Variants in FGF13 observed in about 807,000 individuals in gnomAD.
FGF13 encodes fibroblast growth factor 13.
FGF13 carries 2 observed loss-of-function variants against 19.5 expected under a neutral mutation model. The ratio of observed to expected loss-of-function variants is 0.10; its 90% CI spans 0.04 to 0.32. FGF13 has a LOEUF of 0.32. Among genes scored for constraint, FGF13 ranks in the 10% least tolerant of loss-of-function variants. FGF13 has a pLI of 1.00. For missense variants in FGF13, 113 were observed against 192.7 expected (o/e 0.59, Z 2.45); for synonymous variants, 72 against 76.9 (o/e 0.94, Z 0.33).
intron 3 of FGF13, among the ~76,000 whole-genome samples, chrX:138,810,859 G>A (rs2090916788): frequency 8.9e-6 from 1 of 111,814 alleles, no homozygotes; most frequent in Non-Finnish European, 1.9e-5. Context: ...CATCATCACT[G>A]GCCATCAGAG....
Position 138,631,163 on chromosome X carries a change from G to A in FGF13, c.*1687C>T, listed in dbSNP as rs759394302. The A allele has an allele frequency of 1.8e-5, 2 of 111,645 alleles. No individual in the cohort carries two copies. The highest frequency in any genetic ancestry group is 3.8e-5 in the Non-Finnish European group (2 of 53,110). 9.2% of individuals were successfully genotyped at this position (111,645 alleles called of 1,213,427 possible). A position where few individuals can be genotyped will look rare whatever the true frequency, so the allele number is the denominator to read the frequency against. ...GTTCATTGCCAGACAATGCAGCTTTGGGGAGCTAGAGAAAAGTCATCAACA... is the reference window on the plus strand; with the variant it reads ...GTTCATTGCCAGACAATGCAGCTTTAGGGAGCTAGAGAAAAGTCATCAACA... On this transcript the variant is annotated 3_prime_UTR_variant, in exon 5 of 5. Transcript: ENST00000315930.
intron 1 of FGF13, among the ~76,000 whole-genome samples, chrX:139,100,579 A>G (rs1388000262): frequency 9.0e-6 from 1 of 111,049 alleles, no homozygotes; most frequent in Non-Finnish European, 1.9e-5. Flanking sequence ...CCATGATGAG[A>G]ACTCTTCAGT....
chrX:138,646,624 G>A (rs1444270023), intron 3 of FGF13, among the ~76,000 whole-genome samples: 2 of 111,681 alleles, frequency 1.8e-5, no homozygotes, highest in East Asian at 5.6e-4. Context: ...CTCTTCTACT[G>A]CAAAAATACT....
chrX:138,615,208 T>G lies in FGF13; in HGVS notation c.*17642A>C, dbSNP rs2088958074. On this transcript the variant is annotated 3_prime_UTR_variant, in exon 5 of 5. Transcript: ENST00000315930. ...ACACACACACACATACAAATTAGTG[T>G]ATGTAAAACTAGAGAAGTCTGAGTA... The G allele has an allele frequency of 9.0e-6, 1 of 111,388 alleles. No homozygotes were observed. Among genetic ancestry groups the G allele is most frequent in the Admixed American group, 9.6e-5 (1 of 10,461 alleles). 9.2% of individuals were successfully genotyped at this position (111,388 alleles called of 1,213,427 possible).
intron 1 of FGF13, among the ~76,000 whole-genome samples, chrX:138,982,547 T>C (rs970477989): frequency 1.7e-4 from 19 of 112,342 alleles, no homozygotes; most frequent in Non-Finnish European, 3.2e-4. Flanking sequence ...AACGCATTTC[T>C]GCATGCAGAC....
intron 1 of FGF13, among the ~76,000 whole-genome samples, chrX:139,061,453 C>A (rs753228093): frequency 2.7e-5 from 3 of 111,346 alleles, no homozygotes; most frequent in African/African-American, 9.8e-5. Context: ...AGCGAGGTCA[C>A]TCCTCATGTT....
In FGF13 at chrX:138,615,037, G is replaced by C. The variant is rs761871751; in HGVS notation, c.*17813C>G. 8.9e-6 allele frequency: 1 copy of C among 111,880 alleles called. No individual in the cohort carries two copies. Among genetic ancestry groups the C allele is most frequent in the Non-Finnish European group, 1.9e-5 (1 of 53,121 alleles). The allele number at this position is 111,880 out of a possible 1,213,427, so 9.2% of individuals were successfully genotyped here. ...TTTACTAGCTTTTATGGGTGAAAAAGGATGACAGGGAGATGTTTATAAAGG... is the reference window on the plus strand; with the variant it reads ...TTTACTAGCTTTTATGGGTGAAAAACGATGACAGGGAGATGTTTATAAAGG... On this transcript the variant is annotated 3_prime_UTR_variant, in exon 5 of 5. Transcript: ENST00000315930.
chrX:139,121,559 G>A (rs1334241512), intron 1 of FGF13, among the ~76,000 whole-genome samples: 1 of 110,633 alleles, frequency 9.0e-6, no homozygotes, highest in East Asian at 2.9e-4. Context: ...CACCATGCCT[G>A]GCTATTTTTT....
intron 3 of FGF13, among the ~76,000 whole-genome samples, chrX:138,827,073 A>G (rs1362840015): frequency 8.9e-6 from 1 of 112,424 alleles, no homozygotes; most frequent in Non-Finnish European, 1.9e-5. Context: ...AATGGTATCA[A>G]AGGAAAAGTC....
chrX:138,790,111 C>G (rs767071400), intron 3 of FGF13, among the ~76,000 whole-genome samples: 156 of 101,055 alleles, frequency 1.5e-3, no homozygotes, highest in Non-Finnish European at 2.7e-3. Flanking sequence ...TCTTAGACTT[C>G]CAGCCTCCAG....
intron 3 of FGF13, among the ~76,000 whole-genome samples, chrX:138,661,468 G>T (rs992171667): frequency 3.6e-5 from 4 of 111,738 alleles, no homozygotes; most frequent in African/African-American, 1.3e-4. Flanking sequence ...CAGTGGGGAT[G>T]AATGAAAACA....
At chrX:138,945,005 C>T (rs1412913456) in intron 1 of FGF13, among the ~76,000 whole-genome samples, 4 of 109,480 alleles carry the variant, frequency 3.7e-5, no homozygotes, top group African/African-American at 1.3e-4. Flanking sequence ...AGCTGTTGGT[C>T]ACCATTGCTC....
At chrX:139,087,750 T>C (rs1223903968) in intron 1 of FGF13, among the ~76,000 whole-genome samples, 1 of 112,151 alleles carries the variant, frequency 8.9e-6, no homozygotes, top group African/African-American at 3.2e-5. Flanking sequence ...AGCACTATCA[T>C]TAACACAGCA....
At chrX:139,198,740 A>C (rs1010853226) in intron 1 of FGF13, among the ~76,000 whole-genome samples, 1 of 111,106 alleles carries the variant, frequency 9.0e-6, no homozygotes, top group African/African-American at 3.3e-5. Context: ...CACCATTTTC[A>C]GAATTAATAC....
chrX:138,940,979 G>C (rs780629240), intron 1 of FGF13, among the ~76,000 whole-genome samples: 1 of 111,368 alleles, frequency 9.0e-6, no homozygotes, highest in Non-Finnish European at 1.9e-5. Flanking sequence ...TTATCTCAAC[G>C]CATGCAGAGA....
intron 3 of FGF13, among the ~76,000 whole-genome samples, chrX:138,789,718 T>C (rs539434059): frequency 1.8e-5 from 2 of 109,957 alleles, no homozygotes; most frequent in South Asian, 8.0e-4. Flanking sequence ...TTCAGGCTGC[T>C]GTAACAAAGG....
In FGF13 at chrX:138,711,590, G is replaced by A; in HGVS notation, c.-587C>T. The A allele has an allele frequency of 2.6e-6, 2 of 755,478 alleles. No individual in the cohort carries two copies. The highest frequency in any genetic ancestry group is 3.1e-6 in the Non-Finnish European group (2 of 639,593). 62.3% of individuals were successfully genotyped at this position (755,478 alleles called of 1,213,427 possible). On this transcript the variant is annotated 5_prime_UTR_variant, in exon 1 of 5. The change creates a new upstream start codon in the 5' untranslated region. Coordinates refer to ENST00000315930, the MANE Select transcript of FGF13 (RefSeq NM_004114.5). ...CGTGATAATCGGGAAAAGTTGGCCC[G>A]TGCCAGGTTTCCGACAGGGATCAAA...
At chrX:139,017,139 C>G (rs1474087817) in intron 1 of FGF13, among the ~76,000 whole-genome samples, 1 of 106,773 alleles carries the variant, frequency 9.4e-6, no homozygotes, top group African/African-American at 3.4e-5. Context: ...ACATATATAT[C>G]AAAACATCCA....
chrX:138,684,449 G>A (rs755546737), intron 3 of FGF13, among the ~76,000 whole-genome samples: 3 of 110,842 alleles, frequency 2.7e-5, no homozygotes, highest in East Asian at 2.8e-4. Flanking sequence ...CTTTGGCTTC[G>A]TACATAGTAA....
Sources: allele counts gnomAD v4.1 joint callset (sites outside exome capture counted in the v4.1 genomes callset), GRCh38; gene constraint gnomAD v4.1.1; transcripts MANE v1.5; gene names NCBI Gene and HGNC (gene_info 2026-07-23, HGNC 2026-07-21).